PRKDC: variants seen among roughly 807,000 people sequenced by gnomAD.
PRKDC encodes DNA-dependent protein kinase catalytic subunit.
Under a neutral mutation model 486.9 loss-of-function variants are expected in PRKDC, and 82 were observed. That is an observed-to-expected ratio of 0.17 (90% CI 0.14 to 0.20). The LOEUF is 0.20. Ranked by LOEUF, PRKDC falls within the 10% of genes least tolerant of loss-of-function variation. The pLI is 1.00. For synonymous variants in PRKDC, 1,895 were observed against 1,837.0 expected, an observed-to-expected ratio of 1.03 and a Z score of -0.81; for missense variants, 4,504 against 5,038.2, an observed-to-expected ratio of 0.89 and a Z score of 3.21.
At chr8:47,836,124 T>C (rs1038360524) in intron 58 of PRKDC, among the ~76,000 whole-genome samples, 2 of 152,252 alleles carry the variant, frequency 1.3e-5, no homozygotes, top group African/African-American at 4.8e-5. Context: ...CCATTCCTCC[T>C]CCCCAGACCC....
chr8:47,935,649 G>T, intron 13 of PRKDC, 83 bp downstream of exon 13: 1 of 1,408,116 alleles, frequency 7.1e-7, no homozygotes, highest in Non-Finnish European at 9.5e-7. Flanking sequence ...AAAAGAATTT[G>T]GTAACCAGAT....
intron 36 of PRKDC, among the ~76,000 whole-genome samples, chr8:47,883,381 G>A (rs1292989044): frequency 2.6e-5 from 4 of 152,176 alleles, no homozygotes; most frequent in Non-Finnish European, 5.9e-5. Flanking sequence ...GAATTCTCAA[G>A]AAATGTGCTC....
Position 47,776,918 on chromosome 8 carries a change from T to C in PRKDC, c.12108A>G (p.Lys4036=). The C allele has an allele frequency of 6.2e-7, 1 of 1,613,936 alleles. No homozygotes were observed. The highest frequency in any genetic ancestry group is 2.2e-5 in the East Asian group (1 of 44,876). ...SWIQEINVAE[K]NWYPRQKICY... is the part of the protein sequence containing the mutation. ...ATATTTTCTGTCGGGGGTACCAATT[T>C]TTTTCAGCAACATTTATTTCTTGAA... is the stretch of plus-strand genomic sequence containing the variant. The change falls in exon 85 of 86, where the codon AAA becomes AAG. Residue 4036 remains lysine (K), a synonymous_variant. Transcript: ENST00000314191.
intron 55 of PRKDC, 109 bp from the exon 56 acceptor site, chr8:47,839,355 A>G: frequency 2.6e-6 from 2 of 780,646 alleles, no homozygotes; most frequent in Non-Finnish European, 4.2e-6. Context: ...TTGTTTTCCC[A>G]TTAGACTTTA....
At position 47,881,531 on chromosome 8, in the gene PRKDC, G is replaced by A. The variant is rs1313313552; in HGVS notation, c.4963-11C>T. 1.4e-6 allele frequency: 2 copies of A among 1,381,762 alleles called. No homozygotes were observed. The highest frequency in any genetic ancestry group is 2.3e-5 in the Admixed American group (1 of 44,082). The allele number at this position is 1,381,762 out of a possible 1,614,324, so 85.6% of individuals were successfully genotyped here. On this transcript the variant is annotated splice_polypyrimidine_tract_variant and intron_variant, in intron 37 of 85. Transcript: ENST00000314191. ...TACAGATGAATCAATCTAAAGGAAG[G>A]AAAAGAAAAACAGGACACATTTGTA...
chr8:47,895,609 A>G (rs1180558164), intron 30 of PRKDC, among the ~76,000 whole-genome samples: 1 of 152,140 alleles, frequency 6.6e-6, no homozygotes, highest in African/African-American at 2.4e-5. Context: ...TCTACTAAAT[A>G]TAGGAAAAAT....
chr8:47,897,958 C>G (rs1194642682), intron 29 of PRKDC, among the ~76,000 whole-genome samples: 1 of 152,176 alleles, frequency 6.6e-6, no homozygotes, highest in East Asian at 1.9e-4. Flanking sequence ...AGGGCACTCA[C>G]CCTACTGGAG....
At chr8:47,888,232 C>G (rs1275239693) in intron 34 of PRKDC, among the ~76,000 whole-genome samples, 1 of 152,188 alleles carries the variant, frequency 6.6e-6, no homozygotes, top group Non-Finnish European at 1.5e-5. Flanking sequence ...CACAAAGGCA[C>G]AACAGCAGTT....
Position 47,782,627 on chromosome 8 carries a change from C to G in PRKDC, c.11176-29G>C, listed in dbSNP as rs746597037. On this transcript the variant is annotated intron_variant, in intron 78 of 85. Transcript: ENST00000314191. This position sits in a 1 kb window ranked among gnomAD's most constrained non-coding sequence, Gnocchi z 4.9. ...CAAAAATCAGAATGTCATCTCAGGG[C>G]ACAGGCTAGCCACGTGTCAAACTCA... 4 of 1,547,240 alleles carry G rather than the reference C, an allele frequency of 2.6e-6. No individual in the cohort carries two copies. Among genetic ancestry groups the G allele is most frequent in the East Asian group, 4.9e-5 (2 of 40,956 alleles).
chr8:47,959,522 C>CA (rs2090774854), intron 1 of PRKDC, among the ~76,000 whole-genome samples: 1 of 151,614 alleles, frequency 6.6e-6, no homozygotes. Context: ...ACTAAAAATA[C>CA]AAAAAAATTA....
intron 69 of PRKDC, among the ~76,000 whole-genome samples, chr8:47,804,700 T>A (rs187416912): frequency 1.3e-5 from 2 of 152,180 alleles, no homozygotes. Flanking sequence ...AGCTTAAGCT[T>A]TTGTTTCTCA....
At chr8:47,791,384 A>G (rs2086880241) in intron 74 of PRKDC, among the ~76,000 whole-genome samples, 1 of 152,212 alleles carries the variant, frequency 6.6e-6, no homozygotes, top group Non-Finnish European at 1.5e-5. Context: ...CTGAGGCAGG[A>G]GAATCGCTTG....
intron 59 of PRKDC, among the ~76,000 whole-genome samples, chr8:47,833,224 TGA>T (rs1286958584): frequency 2.6e-5 from 4 of 152,228 alleles, no homozygotes; most frequent in African/African-American, 9.6e-5. Flanking sequence ...CTGAAAAGTA[TGA>T]GAGAGTGGTG....
rs200868218 is a variant in PRKDC, at chr8:47,858,901, G to A, written c.6293C>T (p.Thr2098Met). ...TCTGTGCATGTGCTTGACCAGGGCC[G>A]TCAGGGGCGCCATGCACTCATGCCG... ...LNRHECMAPL[T>M]ALVKHMHRSL... is the part of the protein sequence containing the mutation. Residue 2098 changes from threonine (T) to methionine (M), a missense_variant, in exon 47 of 86, where the codon ACG (threonine) becomes ATG (methionine). Coordinates refer to ENST00000314191, the MANE Select transcript of PRKDC (RefSeq NM_006904.7). The A allele has an allele frequency of 4.0e-5, 65 of 1,613,668 alleles. No homozygotes were observed. Among genetic ancestry groups the A allele is most frequent in the East Asian group, 6.7e-5 (3 of 44,876 alleles).
In PRKDC at chr8:47,887,684, C is replaced by A. The variant is rs199731143; in HGVS notation, c.4435G>T (p.Val1479Phe). 8 of 1,609,642 alleles carry A rather than the reference C, an allele frequency of 5.0e-6. No homozygotes were observed. Among genetic ancestry groups the A allele is most frequent in the Middle Eastern group, 1.7e-4 (1 of 6,054 alleles). The part of the protein sequence containing the change: ...PSQSTDLHHS[V>F]GTELLSLVYK... ...ACCAGGGAAAGAAGTTCTGTGCCAACAGAATGATGCAAATCTGTGGACTAA... is the reference window on the plus strand; with the variant it reads ...ACCAGGGAAAGAAGTTCTGTGCCAAAAGAATGATGCAAATCTGTGGACTAA... The change falls in exon 35 of 86, where the codon GTT becomes TTT. Residue 1479 changes from valine to phenylalanine, a missense_variant. Around this residue, in one of 6 missense-constraint regions of PRKDC, gnomAD observed 1,969 missense variants for 2,068.9 expected, o/e 0.95. Coordinates refer to ENST00000314191, the MANE Select transcript of PRKDC (RefSeq NM_006904.7).
At chr8:47,862,614 C>A in intron 42 of PRKDC, 73 bp from the exon 43 acceptor site, 1 of 1,418,960 alleles carries the variant, frequency 7.0e-7, no homozygotes, top group South Asian at 1.4e-5. Flanking sequence ...CAATGCCAGA[C>A]AACAGGACCT....
In PRKDC at chr8:47,803,436, T is replaced by G. The variant is rs1317988491; in HGVS notation, c.9792A>C (p.Lys3264Asn). ...LAMKLLKELH[K>N]ESKTRDDWLV... ...GCCAATCGTCTCTGGTTTTTGACTCTTTATGCAGCTCCTTCAGTAGTTTCA... is the reference window on the plus strand; with the variant it reads ...GCCAATCGTCTCTGGTTTTTGACTCGTTATGCAGCTCCTTCAGTAGTTTCA... Residue 3264 changes from lysine to asparagine, a missense_variant, in exon 70 of 86, where the codon AAA becomes AAC. Physicochemically the swap from Lys to Asn is moderately conservative, Grantham distance 94. Transcript: ENST00000314191. 1 of 1,614,024 alleles carries G rather than the reference T, an allele frequency of 6.2e-7. No individual in the cohort carries two copies. The highest frequency in any genetic ancestry group is 8.5e-7 in the Non-Finnish European group (1 of 1,179,890).
chr8:47,809,991 C>T (rs553716880), intron 68 of PRKDC, among the ~76,000 whole-genome samples: 1 of 152,224 alleles, frequency 6.6e-6, no homozygotes, highest in South Asian at 2.1e-4. Context: ...AGGGAGAATC[C>T]TGGAGGGGAG....
At chr8:47,791,058 T>C (rs2086874516) in intron 74 of PRKDC, among the ~76,000 whole-genome samples, 1 of 152,048 alleles carries the variant, frequency 6.6e-6, no homozygotes, top group Non-Finnish European at 1.5e-5. Context: ...AAATTTAAAA[T>C]GGACAAACAG....
Sources: allele counts gnomAD v4.1 joint callset (sites outside exome capture counted in the v4.1 genomes callset), GRCh38; gene constraint gnomAD v4.1.1; regional missense constraint gnomAD v4.1.1; non-coding constraint Gnocchi (gnomAD v3.1); transcripts MANE v1.5; gene names NCBI Gene and HGNC (gene_info 2026-07-23, HGNC 2026-07-21).